Variants in YME1L1 observed in about 807,000 individuals in gnomAD.
The protein encoded by YME1L1 is YME1 like 1 ATPase.
Under a neutral mutation model 90.4 loss-of-function variants are expected in YME1L1, and 39 were observed. The observed-to-expected ratio is 0.43, with a 90% CI of 0.33 to 0.56. YME1L1 has a LOEUF of 0.56. Ranked by LOEUF, YME1L1 falls within the 20% of genes least tolerant of loss-of-function variation. The pLI, the probability that YME1L1 is intolerant of heterozygous loss-of-function variation, is 0.03. For synonymous variants in YME1L1, 284 were observed against 287.3 expected (o/e 0.99, Z 0.12); for missense variants, 617 against 868.4 (o/e 0.71, Z 3.64).
intron 1 of YME1L1, among the ~76,000 whole-genome samples, chr10:27,149,401 G>A (rs1228718756): frequency 1.3e-5 from 2 of 152,062 alleles, no homozygotes; most frequent in African/African-American, 4.8e-5. Flanking sequence ...CCAGCATTAG[G>A]GGAGCGGCAA....
intron 6 of YME1L1, among the ~76,000 whole-genome samples, chr10:27,134,528 T>C (rs772742153): frequency 3.3e-5 from 5 of 152,226 alleles, no homozygotes; most frequent in Non-Finnish European, 5.9e-5. Context: ...TGAGCCATGA[T>C]TGCACCACTG....
chr10:27,118,577 A>C (rs888042356), intron 14 of YME1L1, among the ~76,000 whole-genome samples: 3 of 152,264 alleles, frequency 2.0e-5, no homozygotes, highest in African/African-American at 7.2e-5. Flanking sequence ...GGTGTGAGCC[A>C]CCACGCCCAG....
chr10:27,114,538 T>C lies in YME1L1; in HGVS notation c.1990A>G (p.Ile664Val). 5.6e-6 allele frequency: 9 copies of C among 1,613,830 alleles called. No homozygotes were observed. The highest frequency in any genetic ancestry group is 7.6e-6 in the Non-Finnish European group (9 of 1,179,848). Residue 664 changes from isoleucine to valine, a missense_variant, in exon 18 of 19, where the codon ATA becomes GTA. Physicochemically the swap from Ile to Val is conservative, Grantham distance 29. This residue lies in a region of YME1L1 where 212 missense variants were observed against 330.0 expected (regional missense o/e 0.64). Coordinates refer to ENST00000376016, the MANE Select transcript of YME1L1 (RefSeq NM_014263.4). The part of the protein sequence containing the change: ...PETQSAIEQE[I>V]RILLRDSYER... ...ATTATTACCCTTAGAAGGATTCTTA[T>C]TTCTTGTTCGATGGCAGATTGGGTT...
intron 12 of YME1L1, among the ~76,000 whole-genome samples, 170 bp downstream of exon 12, chr10:27,121,216 C>T (rs1168702547): frequency 6.6e-6 from 1 of 152,212 alleles, no homozygotes; most frequent in African/African-American, 2.4e-5. Flanking sequence ...CCCATTCTCC[C>T]TAACCTCTGG....
chr10:27,134,013 G>A (rs2057001637), intron 7 of YME1L1, 26 bp downstream of exon 7: 4 of 1,486,522 alleles, frequency 2.7e-6, no homozygotes, highest in East Asian at 2.3e-5. Context: ...TAAGAAATAA[G>A]TTAGACAAAT....
Position 27,131,944 on chromosome 10 carries a change from A to T in YME1L1, c.776-3T>A. On this transcript the variant is annotated splice_region_variant and splice_polypyrimidine_tract_variant and intron_variant, in intron 7 of 18. Transcript: ENST00000376016. ...CCCTGTTGTTGTCCGGAAGCGGACT[A>T]AAGGGAAGAAAAGAAATGTTTATAT... 1 of 1,603,000 alleles carries T rather than the reference A, an allele frequency of 6.2e-7. No homozygotes were observed. Among genetic ancestry groups the T allele is most frequent in the African/African-American group, 1.3e-5 (1 of 74,362 alleles).
At position 27,131,918 on chromosome 10, in the gene YME1L1, G is replaced by A. The variant is rs1260573857; in HGVS notation, c.799C>T (p.Leu267Phe). 1.9e-6 allele frequency: 3 copies of A among 1,613,176 alleles called. No individual in the cohort carries two copies. Among genetic ancestry groups the A allele is most frequent in the African/African-American group, 1.3e-5 (1 of 74,850 alleles). Residue 267 changes from leucine to phenylalanine, a missense_variant, in exon 8 of 19, where the codon CTT (leucine) becomes TTT (phenylalanine). By Grantham distance (22) the Leu-to-Phe change is conservative. Coordinates refer to ENST00000376016, the MANE Select transcript of YME1L1 (RefSeq NM_014263.4). Reference sequence around the variant, plus strand: ...TGGACAGGATCTACTGCAGAATCAAGCCCTGTTGTTGTCCGGAAGCGGACT... The same window carrying A: ...TGGACAGGATCTACTGCAGAATCAAACCCTGTTGTTGTCCGGAAGCGGACT... ...LSVRFRTTTGLDSAVDPVQMK... is the reference protein window; with the variant it reads ...LSVRFRTTTGFDSAVDPVQMK...
Position 27,121,368 on chromosome 10 carries a change from T to C in YME1L1, c.1298+18A>G. ...AGCATGTAACAGTACTTCACAAAAA[T>C]CTTCTTTTAATACTTACTTATCTAA... On this transcript the variant is annotated intron_variant, in intron 12 of 18. Transcript: ENST00000376016. 4 of 1,579,550 alleles carry C rather than the reference T, an allele frequency of 2.5e-6. No individual in the cohort carries two copies. Among genetic ancestry groups the C allele is most frequent in the Non-Finnish European group, 1.7e-6 (2 of 1,149,040 alleles).
At chr10:27,113,792 C>A (rs1452881829) in intron 18 of YME1L1, among the ~76,000 whole-genome samples, 16 of 151,444 alleles carry the variant, frequency 1.1e-4, no homozygotes, top group Admixed American at 1.1e-3. Flanking sequence ...GAGTTCAAGT[C>A]CAGCCTGGGC....
rs746295399 is a variant in YME1L1 at position 27,115,843 on chromosome 10, G to A, written c.1920+217C>T. Among the ~76,000 whole-genome samples the A allele has an allele frequency of 6.6e-5, 10 of 152,124 alleles. No individual in the cohort carries two copies. In the South Asian group the frequency reaches 1.4e-3, roughly 22 times the overall value. On this transcript the variant is annotated intron_variant, in intron 17 of 18. Transcript: ENST00000376016. ...CCTTGCTTTATCACTTAATTAACTC[G>A]TGAAGTAATAGTTACTATCTGGGCA...
At position 27,152,481 on chromosome 10, in the gene YME1L1, T is replaced by C. The variant is rs72807661; in HGVS notation, c.33+1697A>G. 4.8e-3 allele frequency among the ~76,000 whole-genome samples: 727 copies of C among 152,354 alleles called. 8 individuals are homozygous for C. Among genetic ancestry groups the C allele is most frequent in the Middle Eastern group, 0.017 (5 of 294 alleles). ...CCTAGGGTACATAAAAATCCCTTTATCATCTCTACCAACATCACATACTAC... is the reference window on the plus strand; with the variant it reads ...CCTAGGGTACATAAAAATCCCTTTACCATCTCTACCAACATCACATACTAC... On this transcript the variant is annotated intron_variant, in intron 1 of 18. Coordinates refer to ENST00000376016, the MANE Select transcript of YME1L1 (RefSeq NM_014263.4).
chr10:27,139,232 TC>T (rs1484633041), intron 4 of YME1L1, among the ~76,000 whole-genome samples: 2 of 152,080 alleles, frequency 1.3e-5, no homozygotes, highest in African/African-American at 4.8e-5. Context: ...GATCTTGCTG[TC>T]ACTCAAGCTG....
chr10:27,119,262 TA>T, intron 14 of YME1L1, 31 bp downstream of exon 14: 1 of 1,569,302 alleles, frequency 6.4e-7, no homozygotes, highest in Non-Finnish European at 8.6e-7. Context: ...CAATGAAAAG[TA>T]AAAGACAGAA....
chr10:27,118,467 G>C (rs139643256), intron 14 of YME1L1, among the ~76,000 whole-genome samples: 1 of 152,020 alleles, frequency 6.6e-6, no homozygotes, highest in South Asian at 2.1e-4. Flanking sequence ...ATTTTTGGTA[G>C]AGATGGAGTC....
rs1333818747 is a variant in YME1L1 at position 27,110,577 on chromosome 10, A to AT, written c.*1399dup. Reference sequence around the variant, plus strand: ...AGTTAAATATTCATCTGTAGATCCTATAACAGCATGTTCATATTCACAAAA... The same window carrying AT: ...AGTTAAATATTCATCTGTAGATCCTATTAACAGCATGTTCATATTCACAAAA... On this transcript the variant is annotated 3_prime_UTR_variant, in exon 19 of 19. Transcript: ENST00000376016. The AT allele has an allele frequency of 6.6e-6, 1 of 152,214 alleles. No individual in the cohort carries two copies. Among genetic ancestry groups the AT allele is most frequent in the Non-Finnish European group, 1.5e-5 (1 of 68,036 alleles). 9.4% of individuals were successfully genotyped at this position (152,214 alleles called of 1,614,324 possible).
chr10:27,119,548 C>T, intron 13 of YME1L1, 99 bp from the exon 14 acceptor site: 1 of 1,322,098 alleles, frequency 7.6e-7, no homozygotes, highest in South Asian at 1.5e-5. Context: ...TTGGCTCATG[C>T]CTGTAATCCC....
At chr10:27,150,732 C>A (rs2057203088) in intron 1 of YME1L1, among the ~76,000 whole-genome samples, 1 of 152,070 alleles carries the variant, frequency 6.6e-6, no homozygotes, top group Non-Finnish European at 1.5e-5. Flanking sequence ...AGGGGAGGAA[C>A]CTTAGGGGTC....
chr10:27,139,007 T>C (rs1013114177), intron 4 of YME1L1, among the ~76,000 whole-genome samples: 2 of 152,166 alleles, frequency 1.3e-5, no homozygotes, highest in Non-Finnish European at 2.9e-5. Context: ...CTAATCAATA[T>C]GATAAATTGA....
chr10:27,124,466 C>T (rs890723680), intron 9 of YME1L1, among the ~76,000 whole-genome samples: 1 of 152,032 alleles, frequency 6.6e-6, no homozygotes, highest in East Asian at 1.9e-4. Context: ...TATAAATATA[C>T]ATATTACATT....
Sources: gnomAD v4.1 joint callset for allele counts (sites outside exome capture counted in the v4.1 genomes callset) on GRCh38, gnomAD v4.1.1 for gene constraint, gnomAD v4.1.1 regional missense constraint, MANE v1.5 for transcripts, NCBI Gene and HGNC (gene_info 2026-07-23, HGNC 2026-07-21) for gene names.